TEX11: variants seen among roughly 807,000 people sequenced by gnomAD.
The protein encoded by TEX11 is testis expressed 11.
In TEX11, 7 loss-of-function variants were observed where a neutral mutation model predicts 84.4. The ratio of observed to expected loss-of-function variants is 0.08; its 90% CI spans 0.05 to 0.16. TEX11 has a LOEUF of 0.16. TEX11 is among the 10% of genes least tolerant of loss of function. The pLI is 1.00. For missense variants in TEX11, 551 were observed against 660.5 expected, an observed-to-expected ratio of 0.83 and a Z score of 1.82; for synonymous variants, 264 against 222.8, an observed-to-expected ratio of 1.18 and a Z score of -1.64.
intron 3 of TEX11, among the ~76,000 whole-genome samples, chrX:70,878,399 C>A (rs1221232721): frequency 9.1e-6 from 1 of 110,104 alleles, no homozygotes; most frequent in Non-Finnish European, 1.9e-5. Context: ...TCTCGATCTC[C>A]TGACCTTGTG....
chrX:70,869,065 A>G (rs2091615805), intron 4 of TEX11, among the ~76,000 whole-genome samples: 1 of 93,745 alleles, frequency 1.1e-5, no homozygotes, highest in Non-Finnish European at 2.1e-5. Context: ...AATAAAATAA[A>G]ATAAAATAAA....
chrX:70,898,698 C>T (rs1227005442), intron 2 of TEX11, among the ~76,000 whole-genome samples: 1 of 109,223 alleles, frequency 9.2e-6, no homozygotes, highest in African/African-American at 3.3e-5. Context: ...CTCCGCCTCC[C>T]GGGTTCACGC....
intron 9 of TEX11, among the ~76,000 whole-genome samples, chrX:70,784,606 T>C (rs1432989020): frequency 1.8e-5 from 2 of 111,860 alleles, no homozygotes; most frequent in African/African-American, 6.5e-5. Flanking sequence ...AAAATCTCTT[T>C]AAGCTGATAA....
At chrX:70,678,695 A>C in intron 15 of TEX11, 109 bp downstream of exon 15, 1 of 593,981 alleles carries the variant, frequency 1.7e-6, no homozygotes, top group Non-Finnish European at 2.7e-6. Flanking sequence ...ATGGTATCTA[A>C]ACAGACAGAG....
chrX:70,643,981 G>A (rs1196206542), intron 17 of TEX11, among the ~76,000 whole-genome samples: 1 of 102,990 alleles, frequency 9.7e-6, no homozygotes, highest in Non-Finnish European at 2.0e-5. Context: ...AGAGTGAACA[G>A]GCAACCTACA....
intron 9 of TEX11, among the ~76,000 whole-genome samples, chrX:70,794,978 C>A (rs1334188143): frequency 9.2e-6 from 1 of 108,565 alleles, no homozygotes; most frequent in East Asian, 2.9e-4. Context: ...CTTTATCTTG[C>A]AGCTTAGGTA....
At chrX:70,571,644 T>G (rs979315433) in intron 25 of TEX11, among the ~76,000 whole-genome samples, 1 of 112,135 alleles carries the variant, frequency 8.9e-6, no homozygotes, top group Non-Finnish European at 1.9e-5. Context: ...AGTGGGGGTT[T>G]CCTAATCATC....
chrX:70,662,735 T>A (rs5980995), intron 16 of TEX11, among the ~76,000 whole-genome samples: 20,826 of 109,596 alleles, frequency 0.19, 1,653 homozygotes, highest in African/African-American at 0.21. Flanking sequence ...AAGCCAGATT[T>A]AAAAAAAAGG....
intron 2 of TEX11, among the ~76,000 whole-genome samples, chrX:70,884,108 G>A (rs1249860742): frequency 8.9e-6 from 1 of 112,428 alleles, no homozygotes; most frequent in Admixed American, 9.5e-5. Flanking sequence ...CAGTCTCGAA[G>A]CTTTTTCATA....
intron 8 of TEX11, among the ~76,000 whole-genome samples, chrX:70,818,833 T>C (rs949777426): frequency 2.7e-5 from 3 of 111,413 alleles, no homozygotes; most frequent in African/African-American, 9.8e-5. Flanking sequence ...CAGTCCACAA[T>C]GTCTGCAAGA....
chrX:70,870,396 C>T (rs1280473483), intron 4 of TEX11, among the ~76,000 whole-genome samples: 2 of 110,780 alleles, frequency 1.8e-5, no homozygotes, highest in East Asian at 2.9e-4. Context: ...AGTGCAGTGG[C>T]GCAATCTCGG....
At chrX:70,754,205 C>A (rs2090850823) in intron 9 of TEX11, among the ~76,000 whole-genome samples, 1 of 109,501 alleles carries the variant, frequency 9.1e-6, no homozygotes, top group African/African-American at 3.3e-5. Flanking sequence ...GAGAAGGGAG[C>A]CGGGTGCTGT....
chrX:70,609,306 G>T, intron 21 of TEX11, 129 bp from the exon 22 acceptor site: 1 of 424,296 alleles, frequency 2.4e-6, no homozygotes, highest in Non-Finnish European at 3.7e-6. Context: ...TATGTGTGTA[G>T]GGGTGCATAC....
chrX:70,866,754 T>C (rs2091601442), intron 4 of TEX11, among the ~76,000 whole-genome samples: 1 of 112,200 alleles, frequency 8.9e-6, no homozygotes, highest in African/African-American at 3.2e-5. Context: ...GGCAAATCAG[T>C]AAACGTAATC....
At chrX:70,836,329 C>T (rs949059923) in intron 7 of TEX11, among the ~76,000 whole-genome samples, 2 of 111,124 alleles carry the variant, frequency 1.8e-5, no homozygotes, top group African/African-American at 6.5e-5. Flanking sequence ...AGAAATCAAT[C>T]AACTGGACTT....
intron 8 of TEX11, among the ~76,000 whole-genome samples, chrX:70,811,360 C>T (rs1056641139): frequency 2.7e-5 from 3 of 111,422 alleles, no homozygotes; most frequent in African/African-American, 9.8e-5. Flanking sequence ...TGAACTCATC[C>T]TTTTCTATGG....
chrX:70,759,034 T>G lies in TEX11; in HGVS notation c.693-14815A>C, dbSNP rs184532233. ...AAATCTAGAAGAAATGATAAATTCC[T>G]GGACACATAAACCCTCCCAAGACTA... is the stretch of plus-strand genomic sequence containing the variant. On this transcript the variant is annotated intron_variant, in intron 9 of 29. Transcript: ENST00000374333. Among the ~76,000 whole-genome samples the G allele has an allele frequency of 8.8e-4, 99 of 112,069 alleles. 2 individuals carry two copies. The highest frequency in any genetic ancestry group is 8.7e-3 in the East Asian group (31 of 3,571).
In TEX11 at chrX:70,546,261, G is replaced by A. The variant is rs2088122892; in HGVS notation, c.2520+5865C>T. Among the ~76,000 whole-genome samples, 3 of 111,712 alleles carry A rather than the reference G, an allele frequency of 2.7e-5. No individual in the cohort carries two copies. In the Admixed American group the frequency reaches 2.9e-4, roughly 11 times the overall value. ...ATAACAAAATTTAAAATGAATCATA[G>A]AGCTACATGTCAGAGATAAAAGTAT... is the stretch of plus-strand genomic sequence containing the variant. On this transcript the variant is annotated intron_variant, in intron 28 of 29. Transcript: ENST00000374333.
chrX:70,763,033 C>G (rs1362751758), intron 9 of TEX11, among the ~76,000 whole-genome samples: 1 of 111,327 alleles, frequency 9.0e-6, no homozygotes. Flanking sequence ...GACCTTGTCT[C>G]AAAACAAAAA....
Sources: allele counts gnomAD v4.1 joint callset (sites outside exome capture counted in the v4.1 genomes callset), GRCh38; gene constraint gnomAD v4.1.1; transcripts MANE v1.5; gene names NCBI Gene and HGNC (gene_info 2026-07-23, HGNC 2026-07-21).